Variants in MAOB observed in about 807,000 individuals in gnomAD.
The protein encoded by MAOB is monoamine oxidase B, also known as amine oxidase [flavin-containing] B.
A neutral mutation model predicts 41.9 loss-of-function variants in MAOB; 15 were observed. The ratio of observed to expected loss-of-function variants is 0.36; its 90% CI spans 0.24 to 0.55. MAOB has a LOEUF of 0.55. MAOB is among the 20% of genes least tolerant of loss of function. The pLI is 0.86. For synonymous variants in MAOB, 167 were observed against 144.2 expected, an observed-to-expected ratio of 1.16 and a Z score of -1.13; for missense variants, 345 against 398.7, an observed-to-expected ratio of 0.87 and a Z score of 1.15.
At chrX:43,855,511 G>C (rs5952813) in intron 1 of MAOB, among the ~76,000 whole-genome samples, 7,894 of 110,718 alleles carry the variant, frequency 0.071, 558 homozygotes, top group African/African-American at 0.21. Context: ...CAGCAATGCA[G>C]AAGCTACAAC....
chrX:43,860,882 C>G lies in MAOB; in HGVS notation c.47-17118G>C, dbSNP rs144247993. On this transcript the variant is annotated intron_variant, in intron 1 of 14. Coordinates refer to ENST00000378069, the MANE Select transcript of MAOB (RefSeq NM_000898.5). ...TCCCACCATAGGGGATTTACAGTAA[C>G]TGTTCCCACATTCTGTAATGCTCAC... Among the ~76,000 whole-genome samples the G allele has an allele frequency of 6.5e-3, 725 of 111,710 alleles. 4 individuals carry two copies. Among genetic ancestry groups the G allele is most frequent in the African/African-American group, 0.022 (682 of 30,704 alleles).
intron 1 of MAOB, among the ~76,000 whole-genome samples, chrX:43,855,312 A>G (rs750058495): frequency 3.6e-5 from 4 of 111,856 alleles, no homozygotes; most frequent in African/African-American, 1.3e-4. Context: ...AAAGACTCAT[A>G]TTAAAACTGT....
At chrX:43,771,300 A>C (rs1000161191) in intron 12 of MAOB, among the ~76,000 whole-genome samples, 1 of 112,177 alleles carries the variant, frequency 8.9e-6, no homozygotes, top group African/African-American at 3.2e-5. Context: ...TCAACCCTCT[A>C]TTATAAAATA....
At chrX:43,848,080 A>G (rs2035221866) in intron 1 of MAOB, among the ~76,000 whole-genome samples, 2 of 112,410 alleles carry the variant, frequency 1.8e-5, no homozygotes, top group African/African-American at 6.5e-5. Flanking sequence ...GATGTACAAC[A>G]TGATTAGCAT....
chrX:43,770,784 C>T (rs1282539794), intron 12 of MAOB, among the ~76,000 whole-genome samples: 1 of 111,639 alleles, frequency 9.0e-6, no homozygotes, highest in Non-Finnish European at 1.9e-5. Context: ...ATATTCTTTG[C>T]CTGGTGTATC....
intron 7 of MAOB, 48 bp from the exon 8 acceptor site, chrX:43,793,626 T>C (rs12395246): frequency 6.3e-5 from 64 of 1,016,651 alleles, no homozygotes; most frequent in Non-Finnish European, 8.4e-5. Context: ...GTTGCTTTTG[T>C]TTTTTTCCCA....
intron 3 of MAOB, among the ~76,000 whole-genome samples, chrX:43,825,747 G>C (rs894494804): frequency 1.8e-5 from 2 of 112,147 alleles, no homozygotes; most frequent in Non-Finnish European, 3.8e-5. Context: ...AAAGCTTTTT[G>C]CATAATTCAG....
At chrX:43,780,418 A>G (rs1027312452) in intron 9 of MAOB, 23 bp from the exon 10 acceptor site, 9 of 1,134,360 alleles carry the variant, frequency 7.9e-6, no homozygotes, top group African/African-American at 7.2e-5. Context: ...AACAAGAAAA[A>G]GGGGAGAAAT....
intron 1 of MAOB, among the ~76,000 whole-genome samples, chrX:43,869,427 C>A (rs1172900563): frequency 1.8e-5 from 2 of 111,719 alleles, no homozygotes; most frequent in East Asian, 2.8e-4. Flanking sequence ...CCCTCCCCAG[C>A]CTGCTGTACA....
intron 3 of MAOB, among the ~76,000 whole-genome samples, chrX:43,810,324 T>C (rs1306935529): frequency 9.1e-6 from 1 of 109,446 alleles, no homozygotes; most frequent in Non-Finnish European, 1.9e-5. Context: ...CACTGTCTTC[T>C]TCAAGCCAGA....
chrX:43,800,814 A>G (rs1183934686), intron 5 of MAOB, among the ~76,000 whole-genome samples: 2 of 112,063 alleles, frequency 1.8e-5, no homozygotes, highest in Non-Finnish European at 3.8e-5. Context: ...AAATACTTCA[A>G]TGGATGTCCA....
chrX:43,858,185 A>G lies in MAOB; in HGVS notation c.47-14421T>C, dbSNP rs764156397. Among the ~76,000 whole-genome samples the G allele has an allele frequency of 8.1e-5, 9 of 111,538 alleles. No individual in the cohort carries two copies. In the East Asian group the frequency reaches 2.6e-3, roughly 32 times the overall value. On this transcript the variant is annotated intron_variant, in intron 1 of 14. Transcript: ENST00000378069. ...CTCCTGTATGTGAAGCATATTTACA[A>G]TGTAGGGCTCATTGACAAACCTGAA...
intron 1 of MAOB, among the ~76,000 whole-genome samples, chrX:43,868,528 T>C (rs2035379692): frequency 9.0e-6 from 1 of 111,670 alleles, no homozygotes; most frequent in Admixed American, 9.5e-5. Flanking sequence ...TTCTGCCTTT[T>C]ATCAACTAGG....
rs147523888 is a variant in MAOB at position 43,808,699 on chromosome X, G to GACACACACACAC, written c.280-5307_280-5296dup. ...ATATCTATATCTATATCTACACATA[G>GACACACACACAC]ACACACACACACACACACACACACA... On this transcript the variant is annotated intron_variant, in intron 3 of 14. Transcript: ENST00000378069. 8.3e-3 allele frequency among the ~76,000 whole-genome samples: 729 copies of GACACACACACAC among 87,616 alleles called. 19 individuals carry two copies. In the South Asian group the frequency reaches 0.16, roughly 19 times the overall value. 76.1% of individuals were successfully genotyped at this position (87,616 alleles called of 115,157 possible). A position where few individuals can be genotyped will look rare whatever the true frequency, so the allele number is the denominator to read the frequency against.
chrX:43,780,077 A>C (rs557941484), intron 10 of MAOB, among the ~76,000 whole-genome samples: 1 of 111,731 alleles, frequency 9.0e-6, no homozygotes, highest in African/African-American at 3.3e-5. Context: ...TATGTACAAT[A>C]AACTCAATAA....
chrX:43,858,483 G>A (rs370918059), intron 1 of MAOB, among the ~76,000 whole-genome samples: 23 of 110,818 alleles, frequency 2.1e-4, no homozygotes, highest in African/African-American at 6.3e-4. Context: ...CACACTCTGC[G>A]CTGTTTAGTG....
chrX:43,823,319 T>G (rs1318198560), intron 3 of MAOB, among the ~76,000 whole-genome samples: 1 of 108,598 alleles, frequency 9.2e-6, no homozygotes, highest in African/African-American at 3.4e-5. Context: ...ATTACAGGTG[T>G]GTGCCACCAC....
At chrX:43,863,652 G>A (rs926122814) in intron 1 of MAOB, among the ~76,000 whole-genome samples, 13 of 111,461 alleles carry the variant, frequency 1.2e-4, no homozygotes, top group African/African-American at 4.2e-4. Flanking sequence ...ACTATTTCCT[G>A]AATTATCTTC....
chrX:43,854,922 T>A (rs1194736315), intron 1 of MAOB, among the ~76,000 whole-genome samples: 4 of 111,799 alleles, frequency 3.6e-5, no homozygotes, highest in Non-Finnish European at 7.5e-5. Context: ...TAAAATTCAA[T>A]GATTGTCAAT....
Sources: gnomAD v4.1 joint callset for allele counts (sites outside exome capture counted in the v4.1 genomes callset) on GRCh38, gnomAD v4.1.1 for gene constraint, MANE v1.5 for transcripts, NCBI Gene and HGNC (gene_info 2026-07-23, HGNC 2026-07-21) for gene names.